Variants in TSEN2 observed in about 807,000 individuals in gnomAD.
TSEN2 encodes the protein tRNA-splicing endonuclease subunit Sen2.
In TSEN2, 54 loss-of-function variants were observed where a neutral mutation model predicts 59.2. That is an observed-to-expected ratio of 0.91 (90% CI 0.73 to 1.14). The LOEUF (loss-of-function observed/expected upper bound fraction) is 1.14. Ranked by LOEUF, TSEN2 falls within the 50% of genes most tolerant of loss-of-function variation. The probability of loss-of-function intolerance (pLI) is 0.00; values close to 1 mark genes in which losing one functional copy is unlikely to be tolerated. For synonymous variants in TSEN2, 195 were observed against 198.2 expected (o/e 0.98, Z 0.14); for missense variants, 636 against 576.2 (o/e 1.10, Z -1.06).
intron 6 of TSEN2, among the ~76,000 whole-genome samples, chr3:12,512,218 C>T (rs1226120017): frequency 6.6e-6 from 1 of 152,194 alleles, no homozygotes. Context: ...GAAGACATAG[C>T]TTTAGTTCAC....
chr3:12,515,396 G>T lies in TSEN2; in HGVS notation c.910-1215G>T, dbSNP rs890304102. Among the ~76,000 whole-genome samples, 3 of 152,330 alleles carry T rather than the reference G, an allele frequency of 2.0e-5. No homozygotes were observed. The East Asian group carries it at 5.8e-4, about 29-fold the overall frequency. ...ACACTGCACAAGAGGGGCCCTCCTC[G>T]TCTGTGTCTGCTGGAAGCAGCAGTG... On this transcript the variant is annotated intron_variant, in intron 6 of 11. Transcript: ENST00000284995.
At chr3:12,521,450 C>T (rs1462789232) in intron 8 of TSEN2, among the ~76,000 whole-genome samples, 1 of 152,222 alleles carries the variant, frequency 6.6e-6, no homozygotes, top group Non-Finnish European at 1.5e-5. Context: ...CACAGTGGCT[C>T]ACGCCTGGAT....
intron 3 of TSEN2, 134 bp downstream of exon 3, chr3:12,492,351 C>G: frequency 1.4e-6 from 1 of 720,992 alleles, no homozygotes; most frequent in East Asian, 2.7e-5. Flanking sequence ...CCAAAGTTAG[C>G]TAGAATAATT....
At chr3:12,519,947 TTCA>T (rs1247609660) in intron 8 of TSEN2, among the ~76,000 whole-genome samples, 1 of 152,164 alleles carries the variant, frequency 6.6e-6, no homozygotes, top group East Asian at 1.9e-4. Flanking sequence ...GTATTTTACA[TTCA>T]TCATCTTGTT....
intron 8 of TSEN2, among the ~76,000 whole-genome samples, chr3:12,520,530 C>T (rs1427981115): frequency 6.6e-6 from 1 of 152,124 alleles, no homozygotes; most frequent in African/African-American, 2.4e-5. Context: ...TGGCTCACGC[C>T]TGTAATCCCA....
At position 12,503,662 on chromosome 3, in the gene TSEN2, G is replaced by GA. The variant is rs773957490; in HGVS notation, c.711dup (p.Asp238ArgfsTer17). On this transcript the variant is annotated frameshift_variant, in exon 5 of 12. Coordinates refer to ENST00000284995, the MANE Select transcript of TSEN2 (RefSeq NM_025265.4). LOFTEE classifies it high-confidence loss of function. ...CATCCTCCAGCGTGGCCTTCATCATGAAGACGGCAGCCAGCACATCGGCCT... is the reference window on the plus strand; with the variant it reads ...CATCCTCCAGCGTGGCCTTCATCATGAAAGACGGCAGCCAGCACATCGGCCT... 1 of 1,606,392 alleles carries GA rather than the reference G, an allele frequency of 6.2e-7. No individual in the cohort carries two copies. Among genetic ancestry groups the GA allele is most frequent in the Non-Finnish European group, 8.5e-7 (1 of 1,176,130 alleles).
At chr3:12,517,763 C>T (rs772269764) in intron 7 of TSEN2, among the ~76,000 whole-genome samples, 7 of 152,136 alleles carry the variant, frequency 4.6e-5, no homozygotes, top group Admixed American at 2.6e-4. Flanking sequence ...TGCTTCCTCT[C>T]GCGGGCCTTA....
rs146117200 is a variant in TSEN2 at position 12,503,513 on chromosome 3, G to A, written c.560G>A (p.Arg187His). Reference protein sequence around the residue: ...SGKSGGVGDPREPLGCLQEGS... With the variant: ...SGKSGGVGDPHEPLGCLQEGS... ...AAGTCAGGTGGTGTGGGTGATCCCC[G>A]TGAGCCATTAGGCTGCCTGCAGGAG... The change falls in exon 5 of 12, where the codon CGT (arginine) becomes CAT (histidine). Residue 187 changes from arginine (R) to histidine (H), a missense_variant. Physicochemically the swap from Arg to His is conservative, Grantham distance 29. Transcript: ENST00000284995. 52 of 1,614,056 alleles carry A rather than the reference G, an allele frequency of 3.2e-5. 1 individual carries two copies. In the East Asian group the frequency reaches 9.1e-4, roughly 28 times the overall value.
chr3:12,489,470 T>C (rs2124921603), intron 1 of TSEN2, among the ~76,000 whole-genome samples: 1 of 152,326 alleles, frequency 6.6e-6, no homozygotes, highest in Middle Eastern at 3.4e-3. Context: ...AATCCTGTTG[T>C]GCTTGCTCTC....
chr3:12,538,971 C>CA, intron 10 of TSEN2: 1 of 316,882 alleles, frequency 3.2e-6, no homozygotes, highest in South Asian at 2.4e-5. Context: ...ATGAAATTGA[C>CA]ACAGGCTGGA....
intron 6 of TSEN2, among the ~76,000 whole-genome samples, chr3:12,510,177 G>A (rs2055283830): frequency 6.6e-6 from 1 of 152,192 alleles, no homozygotes; most frequent in South Asian, 2.1e-4. Context: ...TGGAGGCAGT[G>A]TGGTGCATGC....
chr3:12,488,896 C>T (rs2124915449), intron 1 of TSEN2, among the ~76,000 whole-genome samples: 1 of 152,334 alleles, frequency 6.6e-6, no homozygotes, highest in East Asian at 1.9e-4. Flanking sequence ...TCGGGGTCGT[C>T]TACAAATCTC....
downstream of TSEN2, chr3:12,533,778 A>G (rs1237249130): frequency 6.6e-6 from 1 of 151,998 alleles, no homozygotes; most frequent in East Asian, 1.9e-4. Context: ...TATCCTCTTA[A>G]TGGGTCCAGA....
chr3:12,538,908 G>C (rs2125282108), intron 10 of TSEN2: 2 of 290,698 alleles, frequency 6.9e-6, no homozygotes, highest in Non-Finnish European at 1.3e-5. Flanking sequence ...CAGAGGAAGT[G>C]CTTTGTAGCA....
At chr3:12,486,370 C>T (rs926506478) in intron 1 of TSEN2, among the ~76,000 whole-genome samples, 1 of 152,194 alleles carries the variant, frequency 6.6e-6, no homozygotes, top group African/African-American at 2.4e-5. Flanking sequence ...GAGGACTCTT[C>T]CATGAAACTA....
chr3:12,505,284 C>CA lies in TSEN2; in HGVS notation c.909+54dup. On this transcript the variant is annotated intron_variant, in intron 6 of 11. Transcript: ENST00000284995. The stretch of plus-strand genomic sequence containing the variant: ...GCCATCGGTCTCTGGGCCTGAACTA[C>CA]ACTATATGTGAACCTACCTCACAGT... 4.6e-6 allele frequency: 5 copies of CA among 1,085,682 alleles called. No homozygotes were observed. In the South Asian group the frequency reaches 5.0e-5, roughly 11 times the overall value. 67.3% of individuals were successfully genotyped at this position (1,085,682 alleles called of 1,614,324 possible).
At chr3:12,523,433 AAC>A (rs2056807247) in intron 8 of TSEN2, among the ~76,000 whole-genome samples, 1 of 151,870 alleles carries the variant, frequency 6.6e-6, no homozygotes, top group African/African-American at 2.4e-5. Context: ...CCCAGAGACT[AAC>A]AGTTCTGTCC....
chr3:12,484,255 T>C (rs1035186476), upstream of TSEN2, among the ~76,000 whole-genome samples: 1 of 152,270 alleles, frequency 6.6e-6, no homozygotes, highest in Admixed American at 6.5e-5. Context: ...AAAATGCGTC[T>C]TGCAGGATCG....
At chr3:12,527,452 T>C (rs1025055785) in intron 8 of TSEN2, among the ~76,000 whole-genome samples, 2 of 151,360 alleles carry the variant, frequency 1.3e-5, no homozygotes, top group African/African-American at 4.8e-5. Flanking sequence ...TCTTTTTTTT[T>C]TTTCTTTTTT....
Sources: gnomAD v4.1 joint callset for allele counts (sites outside exome capture counted in the v4.1 genomes callset) on GRCh38, gnomAD v4.1.1 for gene constraint, MANE v1.5 for transcripts, NCBI Gene and HGNC (gene_info 2026-07-23, HGNC 2026-07-21) for gene names.